UBAC2: variants seen among roughly 807,000 people sequenced by gnomAD.
UBAC2 encodes the protein ubiquitin-associated domain-containing protein 2.
A neutral mutation model predicts 44.0 loss-of-function variants in UBAC2; 26 were observed. The observed-to-expected ratio is 0.59, with a 90% CI of 0.43 to 0.82. The LOEUF is 0.82. Among genes scored for constraint, UBAC2 ranks in the 40% least tolerant of loss-of-function variants. The pLI, the probability that UBAC2 is intolerant of heterozygous loss-of-function variation, is 0.00. For synonymous variants in UBAC2, 155 were observed against 154.3 expected, an observed-to-expected ratio of 1.00 and a Z score of -0.04; for missense variants, 329 against 419.4, an observed-to-expected ratio of 0.78 and a Z score of 1.88.
chr13:99,342,831 C>T (rs1271102546), intron 7 of UBAC2, among the ~76,000 whole-genome samples: 1 of 152,244 alleles, frequency 6.6e-6, no homozygotes, highest in Non-Finnish European at 1.5e-5. Context: ...GGCCACTTCT[C>T]TTCACACAGA....
chr13:99,215,804 A>C, intron 1 of UBAC2: 1 of 728,034 alleles, frequency 1.4e-6, no homozygotes, highest in Non-Finnish European at 2.3e-6. Context: ...AGGGCTAATC[A>C]GACCCGTGGT....
At chr13:99,219,615 T>C (rs1289472583) in intron 1 of UBAC2, among the ~76,000 whole-genome samples, 1 of 152,182 alleles carries the variant, frequency 6.6e-6, no homozygotes, top group Non-Finnish European at 1.5e-5. Context: ...CAACTATTGT[T>C]AGTGTTAGTG....
Position 99,200,896 on chromosome 13 carries a change from G to T in UBAC2, c.-13G>T. On this transcript the variant is annotated 5_prime_UTR_variant, in exon 1 of 9. Coordinates refer to ENST00000403766, the MANE Select transcript of UBAC2 (RefSeq NM_001144072.2). ...CCCCCGGCGCCCTCTGGGGCTCCGA[G>T]CCCGGCGGGACCATGTTCACCAGCA... 1.5e-6 allele frequency: 2 copies of T among 1,303,500 alleles called. No homozygotes were observed. Among genetic ancestry groups the T allele is most frequent in the Non-Finnish European group, 2.0e-6 (2 of 1,018,044 alleles). The allele number at this position is 1,303,500 out of a possible 1,614,324, so 80.7% of individuals were successfully genotyped here. A position where few individuals can be genotyped will look rare whatever the true frequency, so the allele number is the denominator to read the frequency against.
At chr13:99,292,384 C>T (rs1447357841) in intron 4 of UBAC2, among the ~76,000 whole-genome samples, 2 of 151,946 alleles carry the variant, frequency 1.3e-5, no homozygotes, top group Non-Finnish European at 2.9e-5. Flanking sequence ...CCTCGTGATT[C>T]ACCCGCCTCG....
intron 4 of UBAC2, among the ~76,000 whole-genome samples, chr13:99,310,338 A>G (rs570633775): frequency 1.3e-5 from 2 of 152,318 alleles, no homozygotes; most frequent in South Asian, 4.1e-4. Context: ...GTCTCAAGAA[A>G]AAAAGAAAGG....
intron 4 of UBAC2, among the ~76,000 whole-genome samples, chr13:99,268,496 T>A (rs1366953479): frequency 6.7e-6 from 1 of 150,292 alleles, no homozygotes; most frequent in African/African-American, 2.5e-5. Flanking sequence ...TAGTCTCAGC[T>A]ACCTAGGAGG....
At chr13:99,242,604 C>T (rs2043322020) in intron 2 of UBAC2, among the ~76,000 whole-genome samples, 4 of 135,902 alleles carry the variant, frequency 2.9e-5, no homozygotes, top group African/African-American at 5.5e-5. Context: ...CCCTCACCTC[C>T]CAGACGGGGT....
chr13:99,247,671 G>A (rs115696676), intron 4 of UBAC2, among the ~76,000 whole-genome samples: 1,575 of 152,242 alleles, frequency 0.01, 32 homozygotes, highest in African/African-American at 0.037. Flanking sequence ...GTCGATACGT[G>A]CAGCAAACCA....
At chr13:99,355,946 C>T (rs970400449) in intron 7 of UBAC2, among the ~76,000 whole-genome samples, 3 of 152,238 alleles carry the variant, frequency 2.0e-5, no homozygotes, top group East Asian at 1.9e-4. Flanking sequence ...GGCTGGGAGC[C>T]GTGCTTTGTT....
intron 1 of UBAC2, among the ~76,000 whole-genome samples, chr13:99,232,421 T>TATATATATATATATATA (rs61314371): frequency 3.7e-4 from 51 of 139,708 alleles, no homozygotes; most frequent in East Asian, 6.4e-4. Context: ...TATATATATA[T>TATATATATATATATATA]TCACACACAC....
At chr13:99,279,708 A>G (rs1451544641) in intron 4 of UBAC2, among the ~76,000 whole-genome samples, 1 of 152,212 alleles carries the variant, frequency 6.6e-6, no homozygotes, top group Admixed American at 6.5e-5. Context: ...GAAGTCCAGG[A>G]TCAAGGCACT....
chr13:99,366,655 G>A (rs368124948), intron 7 of UBAC2, among the ~76,000 whole-genome samples: 64 of 152,112 alleles, frequency 4.2e-4, no homozygotes, highest in South Asian at 2.1e-3. Context: ...TTCGCTGAGG[G>A]TGCTGCCATT....
At chr13:99,352,626 C>T (rs1047651926) in intron 7 of UBAC2, among the ~76,000 whole-genome samples, 7 of 147,342 alleles carry the variant, frequency 4.8e-5, no homozygotes, top group Admixed American at 4.1e-4. Flanking sequence ...TAGGAAGCTT[C>T]CTGTTGCCTC....
intron 7 of UBAC2, among the ~76,000 whole-genome samples, chr13:99,349,497 G>A (rs1369414799): frequency 1.3e-5 from 2 of 152,172 alleles, no homozygotes; most frequent in African/African-American, 4.8e-5. Flanking sequence ...GCCCTGAACG[G>A]CTGGGTGCGC....
At chr13:99,232,399 G>GAGAGATATATATATATATATATAT (rs1367302629) in intron 1 of UBAC2, among the ~76,000 whole-genome samples, 2 of 109,902 alleles carry the variant, frequency 1.8e-5, no homozygotes, top group Non-Finnish European at 4.2e-5. Flanking sequence ...TTAGTTGAGA[G>GAGAGATATATATATATATATATAT]ATATAGATAT....
At chr13:99,229,676 G>A (rs1023761804) in intron 1 of UBAC2, among the ~76,000 whole-genome samples, 2 of 152,186 alleles carry the variant, frequency 1.3e-5, no homozygotes, top group African/African-American at 4.8e-5. Flanking sequence ...TTGAAACCGG[G>A]CAAAGCTATT....
chr13:99,228,410 C>T (rs1442928289), intron 1 of UBAC2, among the ~76,000 whole-genome samples: 4 of 151,954 alleles, frequency 2.6e-5, no homozygotes, highest in African/African-American at 7.3e-5. Flanking sequence ...GCCTCAGCCT[C>T]CTGAATAGCT....
At chr13:99,332,533 C>G (rs1235265408) in intron 6 of UBAC2, among the ~76,000 whole-genome samples, 1 of 152,166 alleles carries the variant, frequency 6.6e-6, no homozygotes, top group Non-Finnish European at 1.5e-5. Context: ...TCCCTCTGAC[C>G]TGGAGCCAGC....
intron 1 of UBAC2, among the ~76,000 whole-genome samples, chr13:99,231,083 A>G (rs1476646131): frequency 6.6e-6 from 1 of 152,122 alleles, no homozygotes; most frequent in African/African-American, 2.4e-5. Context: ...CATAGAATCC[A>G]GCTGGATATC....
Sources: gnomAD v4.1 joint callset for allele counts (sites outside exome capture counted in the v4.1 genomes callset) on GRCh38, gnomAD v4.1.1 for gene constraint, MANE v1.5 for transcripts, NCBI Gene and HGNC (gene_info 2026-07-23, HGNC 2026-07-21) for gene names.